Variants in HIF1A observed in about 807,000 individuals in gnomAD.
The protein encoded by HIF1A is hypoxia inducible factor 1 subunit alpha.
A neutral mutation model predicts 92.7 loss-of-function variants in HIF1A; 24 were observed. That is an observed-to-expected ratio of 0.26 (90% confidence interval 0.19 to 0.36). The LOEUF (loss-of-function observed/expected upper bound fraction) is 0.36. Ranked by LOEUF, HIF1A falls within the 10% of genes least tolerant of loss-of-function variation. The pLI is 1.00. For missense variants in HIF1A, 799 were observed against 998.5 expected (o/e 0.80, Z 2.69); for synonymous variants, 319 against 338.7 (o/e 0.94, Z 0.64).
chr14:61,741,664 C>A (rs546768437), intron 12 of HIF1A, among the ~76,000 whole-genome samples: 1 of 152,094 alleles, frequency 6.6e-6, no homozygotes, highest in African/African-American at 2.4e-5. Context: ...CCACCATGCC[C>A]GCTCCTATTT....
At chr14:61,729,339 G>A (rs181906646) in intron 6 of HIF1A, among the ~76,000 whole-genome samples, 13 of 152,130 alleles carry the variant, frequency 8.5e-5, no homozygotes, top group African/African-American at 2.4e-4. Context: ...GCACATGTCC[G>A]TAATCCCAGC....
At chr14:61,721,146 C>G (rs2044422184) in intron 2 of HIF1A, among the ~76,000 whole-genome samples, 1 of 152,036 alleles carries the variant, frequency 6.6e-6, no homozygotes, top group Non-Finnish European at 1.5e-5. Context: ...GAGGCTGAGG[C>G]AGGAGAATTG....
At chr14:61,721,401 ATATT>A in intron 2 of HIF1A, 104 bp from the exon 3 acceptor site, 1 of 829,316 alleles carries the variant, frequency 1.2e-6, no homozygotes, top group Non-Finnish European at 1.9e-6. Context: ...ATGGCTGTAT[ATATT>A]AAATAAAGTG....
intron 5 of HIF1A, 65 bp downstream of exon 5, chr14:61,726,883 A>G (rs1352931373): frequency 1.1e-6 from 1 of 904,488 alleles, no homozygotes; most frequent in Non-Finnish European, 1.7e-6. Context: ...TAGTATTAAG[A>G]TAACTTTAGA....
Position 61,747,110 on chromosome 14 carries a change from T to C in HIF1A, c.*25T>C, listed in dbSNP as rs2044803287. The stretch of plus-strand genomic sequence containing the variant: ...AGCTTTTTCTTAATTTCATTCCTTT[T>C]TTTGGACACTGGTGGCTCATTACCT... On this transcript the variant is annotated 3_prime_UTR_variant, in exon 15 of 15. Transcript: ENST00000337138. 1 of 1,589,174 alleles carries C rather than the reference T, an allele frequency of 6.3e-7. No homozygotes were observed. The highest frequency in any genetic ancestry group is 1.2e-5 in the South Asian group (1 of 86,780).
chr14:61,709,439 T>C (rs1353708111), intron 1 of HIF1A, among the ~76,000 whole-genome samples: 5 of 152,224 alleles, frequency 3.3e-5, no homozygotes, highest in Admixed American at 6.5e-5. Flanking sequence ...GTGATATAGA[T>C]TTCATTTTCA....
chr14:61,695,903 G>C, intron 1 of HIF1A, 64 bp downstream of exon 1: 1 of 1,478,378 alleles, frequency 6.8e-7, no homozygotes, highest in South Asian at 1.2e-5. Context: ...GCCCGCCCTG[G>C]GCTCCTGGGC....
At chr14:61,721,885 G>A in intron 4 of HIF1A, 62 bp downstream of exon 4, 1 of 1,168,354 alleles carries the variant, frequency 8.6e-7, no homozygotes, top group Non-Finnish European at 1.3e-6. Context: ...AGATACTATT[G>A]CTAATTATTA....
At chr14:61,709,749 AT>A (rs2044285471) in intron 1 of HIF1A, among the ~76,000 whole-genome samples, 1 of 152,216 alleles carries the variant, frequency 6.6e-6, no homozygotes, top group African/African-American at 2.4e-5. Context: ...AATTTTCAAA[AT>A]TTGAAAATTA....
At chr14:61,705,110 T>A (rs947109832) in intron 1 of HIF1A, among the ~76,000 whole-genome samples, 1 of 152,128 alleles carries the variant, frequency 6.6e-6, no homozygotes, top group Non-Finnish European at 1.5e-5. Context: ...TAACACAGGA[T>A]TAATGTTCAG....
chr14:61,703,473 A>C (rs1045913458), intron 1 of HIF1A, among the ~76,000 whole-genome samples: 10 of 152,174 alleles, frequency 6.6e-5, no homozygotes, highest in Non-Finnish European at 1.3e-4. Flanking sequence ...AGAGTGTAAT[A>C]ATCCCTGACT....
chr14:61,747,126 C>G lies in HIF1A; in HGVS notation c.*41C>G, dbSNP rs1472198228. On this transcript the variant is annotated 3_prime_UTR_variant, in exon 15 of 15. Coordinates refer to ENST00000337138, the MANE Select transcript of HIF1A (RefSeq NM_001530.4). ...CATTCCTTTTTTTGGACACTGGTGG[C>G]TCATTACCTAAAGCAGTCTATTTAT... 1 of 1,556,244 alleles carries G rather than the reference C, an allele frequency of 6.4e-7. No individual in the cohort carries two copies. Among genetic ancestry groups the G allele is most frequent in the East Asian group, 2.2e-5 (1 of 44,546 alleles).
Position 61,707,330 on chromosome 14 carries a change from A to T in HIF1A, c.35+11491A>T, listed in dbSNP as rs553725493. Among the ~76,000 whole-genome samples the T allele has an allele frequency of 7.2e-5, 11 of 152,094 alleles. No homozygotes were observed. In the East Asian group the frequency reaches 2.1e-3, roughly 29 times the overall value. ...TTTTTTTTTTCTTTATTATACTTTA[A>T]GTTTTAGGGTACATGTGCACAACGT... On this transcript the variant is annotated intron_variant, in intron 1 of 14. Transcript: ENST00000337138.
intron 1 of HIF1A, among the ~76,000 whole-genome samples, chr14:61,707,886 A>T (rs892017676): frequency 3.3e-5 from 5 of 151,952 alleles, no homozygotes; most frequent in African/African-American, 2.4e-5. Flanking sequence ...CGCCACACTG[A>T]CTTCCACAAT....
chr14:61,747,107 T>TTTTTTTGGACAC lies in HIF1A; in HGVS notation c.*24_*35dup, dbSNP rs1322499060. The stretch of plus-strand genomic sequence containing the variant: ...CTGAGCTTTTTCTTAATTTCATTCC[T>TTTTTTTGGACAC]TTTTTTGGACACTGGTGGCTCATTA... On this transcript the variant is annotated 3_prime_UTR_variant, in exon 15 of 15. Coordinates refer to ENST00000337138, the MANE Select transcript of HIF1A (RefSeq NM_001530.4). 1.9e-6 allele frequency: 3 copies of TTTTTTTGGACAC among 1,582,930 alleles called. No homozygotes were observed. The highest frequency in any genetic ancestry group is 2.7e-5 in the African/African-American group (2 of 73,322).
intron 4 of HIF1A, among the ~76,000 whole-genome samples, chr14:61,724,349 TTC>T (rs147642291): frequency 0.16 from 15,332 of 96,050 alleles, 1,622 homozygotes; most frequent in African/African-American, 0.33. Flanking sequence ...CACACACACA[TTC>T]TCTCTCTCTC....
rs772161194 is a variant in HIF1A at position 61,741,040 on chromosome 14, A to G, written c.1945A>G (p.Lys649Glu). 3.7e-6 allele frequency: 6 copies of G among 1,614,148 alleles called. No homozygotes were observed. Among genetic ancestry groups the G allele is most frequent in the African/African-American group, 2.7e-5 (2 of 75,056 alleles). ...ATCTCCATCTCCTACCCACATACAT[A>G]AAGAAACTACTAGTGCCACATCATC... The part of the protein sequence containing the change: ...IASPSPTHIH[K>E]ETTSATSSPY... The change falls in exon 12 of 15, where the codon AAA (lysine) becomes GAA (glutamate). Residue 649 changes from lysine (K) to glutamate (E), a missense_variant. Transcript: ENST00000337138.
At chr14:61,701,580 A>G (rs969701515) in intron 1 of HIF1A, among the ~76,000 whole-genome samples, 4 of 152,162 alleles carry the variant, frequency 2.6e-5, no homozygotes, top group South Asian at 2.1e-4. Context: ...TCTGTTCTTA[A>G]GAGTCTTGTA....
At chr14:61,697,376 G>C (rs899627653) in intron 1 of HIF1A, among the ~76,000 whole-genome samples, 2 of 152,140 alleles carry the variant, frequency 1.3e-5, no homozygotes, top group Non-Finnish European at 2.9e-5. Context: ...ACCTAAGGCA[G>C]ATTACCTCTG....
Sources: gnomAD v4.1 joint callset for allele counts (sites outside exome capture counted in the v4.1 genomes callset) on GRCh38, gnomAD v4.1.1 for gene constraint, MANE v1.5 for transcripts, NCBI Gene and HGNC (gene_info 2026-07-23, HGNC 2026-07-21) for gene names.